Variants in PCSK6 observed in about 807,000 individuals in gnomAD.
The protein encoded by PCSK6 is proprotein convertase subtilisin/kexin type 6, also known as paired basic amino acid cleaving enzyme 4.
PCSK6 carries 85 observed loss-of-function variants against 123.3 expected under a neutral mutation model. The observed-to-expected ratio is 0.69, with a 90% CI of 0.58 to 0.83. PCSK6 has a LOEUF of 0.83. PCSK6 is among the 40% of genes least tolerant of loss of function. The pLI is 0.00. For missense variants in PCSK6, 1,191 were observed against 1,282.3 expected (o/e 0.93, Z 1.09); for synonymous variants, 508 against 516.0 (o/e 0.98, Z 0.21).
At chr15:101,322,317 G>A (rs1242374117) in intron 18 of PCSK6, among the ~76,000 whole-genome samples, 1 of 152,170 alleles carries the variant, frequency 6.6e-6, no homozygotes, top group Non-Finnish European at 1.5e-5. Flanking sequence ...CCCATGTTGT[G>A]TAAAATGTAG....
intron 13 of PCSK6, among the ~76,000 whole-genome samples, chr15:101,361,078 T>C (rs947073794): frequency 3.3e-5 from 5 of 152,200 alleles, no homozygotes; most frequent in African/African-American, 1.2e-4. Context: ...GAGTATTCTT[T>C]GAATAAACTG....
intron 1 of PCSK6, among the ~76,000 whole-genome samples, chr15:101,486,947 C>CA (rs111740315): frequency 4.5e-4 from 68 of 152,320 alleles, no homozygotes; most frequent in African/African-American, 1.6e-3. Context: ...CATATGCGTA[C>CA]CATGTGAACA....
At chr15:101,312,966 G>A in intron 20 of PCSK6, 2 of 1,046,984 alleles carry the variant, frequency 1.9e-6, no homozygotes, top group East Asian at 6.9e-5. Flanking sequence ...GGTCACACCA[G>A]TGCACTCCAG....
At chr15:101,346,992 A>T in intron 13 of PCSK6, 1 of 1,231,722 alleles carries the variant, frequency 8.1e-7, no homozygotes. Context: ...AGGTAAAGAG[A>T]TTGACTGCAA....
chr15:101,466,977 T>C (rs143623321), intron 1 of PCSK6, among the ~76,000 whole-genome samples: 177 of 152,314 alleles, frequency 1.2e-3, no homozygotes, highest in African/African-American at 3.2e-3. Context: ...CTGAGCTGCA[T>C]GCTCTAGATA....
chr15:101,358,474 T>C (rs1016274337), intron 13 of PCSK6, among the ~76,000 whole-genome samples: 10 of 152,226 alleles, frequency 6.6e-5, no homozygotes, highest in African/African-American at 1.9e-4. Context: ...CATGGTACTA[T>C]TGGTTCCTGA....
intron 20 of PCSK6, among the ~76,000 whole-genome samples, chr15:101,311,233 C>T (rs2039854243): frequency 6.6e-6 from 1 of 151,892 alleles, no homozygotes; most frequent in Non-Finnish European, 1.5e-5. Flanking sequence ...GCCTCAGCCT[C>T]CTGTAAGACT....
chr15:101,369,376 C>T (rs2041505390), intron 12 of PCSK6, among the ~76,000 whole-genome samples: 1 of 152,252 alleles, frequency 6.6e-6, no homozygotes, highest in South Asian at 2.1e-4. Context: ...TTCTGAATCT[C>T]TGCAGCTCCC....
At chr15:101,316,910 G>GTTTTTTTTTTT (rs57613156) in intron 19 of PCSK6, among the ~76,000 whole-genome samples, 1,515 of 114,754 alleles carry the variant, frequency 0.013, 239 homozygotes, top group African/African-American at 0.049. Flanking sequence ...ACTTAATTCT[G>GTTTTTTTTTTT]TTTTTTTTTT....
intron 13 of PCSK6, among the ~76,000 whole-genome samples, chr15:101,353,433 C>T (rs11247283): frequency 0.22 from 33,056 of 151,978 alleles, 4,197 homozygotes; most frequent in African/African-American, 0.35. Context: ...TAGTCCCTAA[C>T]AGTCCATGGA....
At position 101,445,911 on chromosome 15, in the gene PCSK6, G is replaced by A. The variant is rs140055794; in HGVS notation, c.298-2251C>T. On this transcript the variant is annotated intron_variant, in intron 1 of 21. Coordinates refer to ENST00000611716, the MANE Select transcript of PCSK6 (RefSeq NM_002570.5). ...CCTTTGACCAGCTAAGCCAGGCTTG[G>A]GGAAGCCACCTTTCCCCTCAAAGGC... Among the ~76,000 whole-genome samples, 179 of 152,340 alleles carry A rather than the reference G, an allele frequency of 1.2e-3. 5 individuals are homozygous for A. The East Asian group carries it at 0.03, about 25-fold the overall frequency.
At chr15:101,319,796 G>A (rs1008701125) in intron 18 of PCSK6, among the ~76,000 whole-genome samples, 5 of 152,206 alleles carry the variant, frequency 3.3e-5, no homozygotes, top group African/African-American at 7.2e-5. Context: ...AAGGTCCAGC[G>A]CTCAACCCTT....
At position 101,393,420 on chromosome 15, in the gene PCSK6, C is replaced by T. The variant is rs373355235; in HGVS notation, c.1001G>A (p.Arg334Gln). The change falls in exon 8 of 22, where the codon CGG (arginine) becomes CAG (glutamine). Residue 334 changes from arginine (R) to glutamine (Q), a missense_variant. Transcript: ENST00000611716. ...GACGAAAATGGAGCCCAGGCCCTGC[C>T]GGCCCTGGAGGGACAAGAGGAACAA... ...QAFEYGIKKGRQGLGSIFVWA... is the reference protein window; with the variant it reads ...QAFEYGIKKGQQGLGSIFVWA... 6.9e-6 allele frequency: 11 copies of T among 1,602,158 alleles called. No homozygotes were observed. Among genetic ancestry groups the T allele is most frequent in the South Asian group, 2.2e-5 (2 of 89,898 alleles).
At chr15:101,421,987 C>T (rs1291427298) in intron 6 of PCSK6, among the ~76,000 whole-genome samples, 18 of 151,906 alleles carry the variant, frequency 1.2e-4, no homozygotes. Flanking sequence ...AAAAAATTAA[C>T]TTTTTAAGAC....
At chr15:101,476,024 C>T (rs1188824942) in intron 1 of PCSK6, among the ~76,000 whole-genome samples, 1 of 152,160 alleles carries the variant, frequency 6.6e-6, no homozygotes, top group Non-Finnish European at 1.5e-5. Context: ...TCAGCAGGTC[C>T]CCTCTCTGGA....
At chr15:101,364,127 T>C (rs1011455205) in intron 13 of PCSK6, among the ~76,000 whole-genome samples, 1 of 152,076 alleles carries the variant, frequency 6.6e-6, no homozygotes, top group Non-Finnish European at 1.5e-5. Context: ...GCTTTTGGAT[T>C]GTTTATGGAG....
In PCSK6 at chr15:101,398,650, G is replaced by A; in HGVS notation, c.824-74C>T. ...CAGCGACGGGAACCCGGGCCCAGGA[G>A]GCTCGGATGAGGACACCGCATCACA... On this transcript the variant is annotated intron_variant, in intron 6 of 21. Transcript: ENST00000611716. This position sits in a 1 kb window ranked among gnomAD's most constrained non-coding sequence, Gnocchi z 4.6. 6.6e-7 allele frequency: 1 copy of A among 1,518,462 alleles called. No individual in the cohort carries two copies. Among genetic ancestry groups the A allele is most frequent in the East Asian group, 2.3e-5 (1 of 43,978 alleles). The allele number at this position is 1,518,462 out of a possible 1,614,324, so 94.1% of individuals were successfully genotyped here.
At chr15:101,310,929 T>C (rs1416309670) in intron 20 of PCSK6, among the ~76,000 whole-genome samples, 1 of 152,136 alleles carries the variant, frequency 6.6e-6, no homozygotes, top group Non-Finnish European at 1.5e-5. Context: ...CCCCCCGATA[T>C]GGTTTGAACA....
At chr15:101,456,766 CCGGG>C (rs1009450897) in intron 1 of PCSK6, among the ~76,000 whole-genome samples, 1 of 152,056 alleles carries the variant, frequency 6.6e-6, no homozygotes, top group African/African-American at 2.4e-5. Flanking sequence ...CAAGATGGAG[CCGGG>C]GAGAGAAAGG....
Sources: allele counts gnomAD v4.1 joint callset (sites outside exome capture counted in the v4.1 genomes callset), GRCh38; gene constraint gnomAD v4.1.1; non-coding constraint Gnocchi (gnomAD v3.1); transcripts MANE v1.5; gene names NCBI Gene and HGNC (gene_info 2026-07-23, HGNC 2026-07-21).